Variants in SCARA3 observed in about 807,000 individuals in gnomAD.
The protein encoded by SCARA3 is scavenger receptor class A member 3, also known as cellular stress response gene protein.
SCARA3 carries 39 observed loss-of-function variants against 47.0 expected under a neutral mutation model. That is an observed-to-expected ratio of 0.83 (90% confidence interval 0.64 to 1.08). The LOEUF is 1.08. Ranked by LOEUF, SCARA3 falls within the 50% of genes least tolerant of loss-of-function variation. The probability of loss-of-function intolerance (pLI) is 0.00; values close to 1 mark genes in which losing one functional copy is unlikely to be tolerated. For synonymous variants in SCARA3, 356 were observed against 334.1 expected (o/e 1.07, Z -0.71); for missense variants, 724 against 792.3 (o/e 0.91, Z 1.04).
chr8:27,690,617 C>G, the SCARA3 span, among the ~76,000 whole-genome samples: 2 of 152,088 alleles, frequency 1.3e-5, no homozygotes, highest in African/African-American at 4.8e-5. Context: ...TTCAAAAATA[C>G]ATTTAAAAAG....
chr8:27,668,821 G>C (rs1009282022), intron 5 of SCARA3, among the ~76,000 whole-genome samples: 2 of 152,204 alleles, frequency 1.3e-5, no homozygotes, highest in Non-Finnish European at 2.9e-5. Context: ...CCACAACAGA[G>C]GAAGACCCTG....
At chr8:27,730,197 T>A in the SCARA3 span, among the ~76,000 whole-genome samples, 1 of 152,210 alleles carries the variant, frequency 6.6e-6, no homozygotes. Flanking sequence ...AGGAGCTTAT[T>A]AAGAAACCAT....
In SCARA3 at chr8:27,634,178, C is replaced by T. The variant is rs1391959897; in HGVS notation, c.-23C>T. 5 of 1,438,458 alleles carry T rather than the reference C, an allele frequency of 3.5e-6. No individual in the cohort carries two copies. Among genetic ancestry groups the T allele is most frequent in the Non-Finnish European group, 3.6e-6 (4 of 1,100,252 alleles). 89.1% of individuals were successfully genotyped at this position (1,438,458 alleles called of 1,614,324 possible). A position where few individuals can be genotyped will look rare whatever the true frequency, so the allele number is the denominator to read the frequency against. On this transcript the variant is annotated 5_prime_UTR_variant, in exon 1 of 6. Transcript: ENST00000301904. ...TCCAGCCGCCTGCAGCGGGGCCCTC[C>T]TGAGGCCCCAGAGGAAGAGACCATG...
intron 1 of SCARA3, among the ~76,000 whole-genome samples, chr8:27,648,611 A>G (rs1300874134): frequency 6.6e-6 from 1 of 152,086 alleles, no homozygotes; most frequent in African/African-American, 2.4e-5. Flanking sequence ...CTCAAAAGAA[A>G]AAAAAAAGGA....
intron 1 of SCARA3, among the ~76,000 whole-genome samples, chr8:27,636,703 G>A (rs1247578365): frequency 1.3e-5 from 2 of 152,148 alleles, no homozygotes; most frequent in Non-Finnish European, 2.9e-5. Flanking sequence ...GGCGGCGCTG[G>A]TGTGTTTTTC....
rs79601230 is a variant in SCARA3, at chr8:27,637,643, G to A, written c.7+3436G>A. Among the ~76,000 whole-genome samples, 775 of 152,154 alleles carry A rather than the reference G, an allele frequency of 5.1e-3. 5 individuals are homozygous for A. The highest frequency in any genetic ancestry group is 7.1e-3 in the Non-Finnish European group (486 of 68,008). On this transcript the variant is annotated intron_variant, in intron 1 of 5. Coordinates refer to ENST00000301904, the MANE Select transcript of SCARA3 (RefSeq NM_016240.3). Reference sequence around the variant, plus strand: ...ACCTTGTGGCCTCTTTGCCCCGAGAGACTTCTGCTTGACTGCGGTGGCCAG... The same window carrying A: ...ACCTTGTGGCCTCTTTGCCCCGAGAAACTTCTGCTTGACTGCGGTGGCCAG...
the SCARA3 span, among the ~76,000 whole-genome samples, chr8:27,691,829 A>T: frequency 6.6e-6 from 1 of 152,256 alleles, no homozygotes; most frequent in East Asian, 1.9e-4. Flanking sequence ...AGCCTCCCAG[A>T]TCACTCAGGT....
the SCARA3 span, chr8:27,733,166 C>G: frequency 1.3e-5 from 2 of 152,222 alleles, no homozygotes; most frequent in African/African-American, 4.8e-5. Context: ...TCCTCTCCTC[C>G]TGCTGTGACT....
chr8:27,695,191 C>T, the SCARA3 span, among the ~76,000 whole-genome samples: 1 of 152,178 alleles, frequency 6.6e-6, no homozygotes, highest in African/African-American at 2.4e-5. Flanking sequence ...GTAAGGACTA[C>T]ACCCTGGAGT....
downstream of SCARA3, among the ~76,000 whole-genome samples, chr8:27,674,795 C>T (rs1414269368): frequency 2.3e-5 from 3 of 132,166 alleles, no homozygotes; most frequent in East Asian, 6.9e-4. Flanking sequence ...GTGGCGTGAT[C>T]TTGGCTCACT....
the SCARA3 span, among the ~76,000 whole-genome samples, chr8:27,688,602 G>A: frequency 9.2e-5 from 14 of 152,152 alleles, no homozygotes; most frequent in Non-Finnish European, 2.1e-4. Context: ...AGGCTGAGGT[G>A]AGAGGATTGC....
chr8:27,658,432 T>C, intron 4 of SCARA3, 64 bp from the exon 5 acceptor site: 2 of 1,421,040 alleles, frequency 1.4e-6, no homozygotes, highest in Non-Finnish European at 1.9e-6. Flanking sequence ...AATATTTAAT[T>C]TAAAGAGGAA....
chr8:27,700,993 C>T, the SCARA3 span, among the ~76,000 whole-genome samples: 3 of 152,024 alleles, frequency 2.0e-5, no homozygotes, highest in Non-Finnish European at 2.9e-5. Context: ...CTATTCACAA[C>T]AGCATTGTCC....
intron 2 of SCARA3, 30 bp downstream of exon 2, chr8:27,649,830 C>CA: frequency 6.4e-7 from 1 of 1,554,286 alleles, no homozygotes; most frequent in Non-Finnish European, 8.8e-7. Flanking sequence ...CCCTGATCTC[C>CA]GCTCTGGGCT....
At chr8:27,731,421 G>T in the SCARA3 span, among the ~76,000 whole-genome samples, 1 of 151,892 alleles carries the variant, frequency 6.6e-6, no homozygotes, top group African/African-American at 2.4e-5. Context: ...ATGTAGGCAG[G>T]TGGATCACCT....
chr8:27,649,212 G>A (rs951487450), intron 1 of SCARA3, among the ~76,000 whole-genome samples: 2 of 152,094 alleles, frequency 1.3e-5, no homozygotes, highest in African/African-American at 2.4e-5. Flanking sequence ...AGGGATCTGC[G>A]CCCATCCTGT....
At chr8:27,710,622 T>C in the SCARA3 span, among the ~76,000 whole-genome samples, 1 of 152,330 alleles carries the variant, frequency 6.6e-6, no homozygotes, top group African/African-American at 2.4e-5. Flanking sequence ...AAGAAATCCA[T>C]AATATCATCA....
chr8:27,637,834 T>C (rs960238000), intron 1 of SCARA3, among the ~76,000 whole-genome samples: 3 of 151,982 alleles, frequency 2.0e-5, no homozygotes, highest in Non-Finnish European at 4.4e-5. Flanking sequence ...GCACCGCTCC[T>C]CTGGCCGAGA....
rs564585611 is a variant in SCARA3, at chr8:27,671,024, G to C, written c.1494G>C (p.Gln498His). 1 of 1,612,022 alleles carries C rather than the reference G, an allele frequency of 6.2e-7. No homozygotes were observed. The highest frequency in any genetic ancestry group is 1.7e-5 in the Admixed American group (1 of 59,652). ...GCCCCCTGGGACCCCAGGGTCCTCA[G>C]GGGCAACCTGGAGAGGCCGGGCCTG... ...SLGPLGPQGP[Q>H]GQPGEAGPVG... The change falls in exon 6 of 6, where the codon CAG becomes CAC. Residue 498 changes from glutamine (Q) to histidine (H), a missense_variant. Physicochemically the swap from Gln to His is conservative, Grantham distance 24 (BLOSUM62 0). Coordinates refer to ENST00000301904, the MANE Select transcript of SCARA3 (RefSeq NM_016240.3).
Sources: gnomAD v4.1 joint callset for allele counts (sites outside exome capture counted in the v4.1 genomes callset) on GRCh38, gnomAD v4.1.1 for gene constraint, MANE v1.5 for transcripts, NCBI Gene and HGNC (gene_info 2026-07-23, HGNC 2026-07-21) for gene names.